The following UBR4 variants were observed in gnomAD, a reference collection of about 807,000 sequenced individuals.
UBR4 encodes E3 ubiquitin-protein ligase UBR4.
In UBR4, 124 loss-of-function variants were observed where a neutral mutation model predicts 575.6. The ratio of observed to expected loss-of-function variants is 0.22; its 90% CI spans 0.19 to 0.25. UBR4 has a LOEUF of 0.25. Ranked by LOEUF, UBR4 falls within the 10% of genes least tolerant of loss-of-function variation. The probability of loss-of-function intolerance (pLI) is 1.00; values close to 1 mark genes in which losing one functional copy is unlikely to be tolerated. For synonymous variants in UBR4, 2,455 were observed against 2,473.7 expected, an observed-to-expected ratio of 0.99 and a Z score of 0.22; for missense variants, 4,818 against 6,478.8, an observed-to-expected ratio of 0.74 and a Z score of 8.80.
intron 77 of UBR4, 50 bp downstream of exon 77, chr1:19,113,649 C>T (rs757081103): frequency 1.2e-6 from 2 of 1,606,934 alleles, no homozygotes; most frequent in South Asian, 1.1e-5. Flanking sequence ...GAAAACAACA[C>T]CAGTAACACT....
At position 19,152,310 on chromosome 1, in the gene UBR4, T is replaced by G; in HGVS notation, c.6996+3A>C. 3 of 1,613,910 alleles carry G rather than the reference T, an allele frequency of 1.9e-6. No individual in the cohort carries two copies. The highest frequency in any genetic ancestry group is 2.5e-6 in the Non-Finnish European group (3 of 1,179,766). On this transcript the variant is annotated splice_donor_region_variant and intron_variant, in intron 47 of 105. Coordinates refer to ENST00000375254, the MANE Select transcript of UBR4 (RefSeq NM_020765.3). This position sits in a 1 kb window ranked among gnomAD's most constrained non-coding sequence, Gnocchi z 4.4. ...ATTGATCCCAGCCCAGTGCCATTCT[T>G]ACCTTGGTGTTGGCCACATACATGC...
At chr1:19,158,262 C>T (rs1250956275) in intron 39 of UBR4, among the ~76,000 whole-genome samples, 1 of 152,216 alleles carries the variant, frequency 6.6e-6, no homozygotes, top group African/African-American at 2.4e-5. Context: ...CAATCTCTTA[C>T]AAATTGTGGT....
At chr1:19,186,694 A>G (rs776772127) in intron 13 of UBR4, 37 bp from the exon 14 acceptor site, 2 of 1,590,568 alleles carry the variant, frequency 1.3e-6, no homozygotes, top group Non-Finnish European at 1.7e-6. Flanking sequence ...GAGCCATCCT[A>G]TTTAATCTCA....
At chr1:19,167,593 A>G (rs1571361700) in intron 28 of UBR4, among the ~76,000 whole-genome samples, 1 of 152,182 alleles carries the variant, frequency 6.6e-6, no homozygotes, top group South Asian at 2.1e-4. Context: ...AACCTGGATC[A>G]CTTTTAGGGC....
chr1:19,122,771 C>A (rs764664706), intron 66 of UBR4, 62 bp downstream of exon 66: 27 of 1,572,830 alleles, frequency 1.7e-5, no homozygotes, highest in Non-Finnish European at 2.3e-5. Flanking sequence ...AGCCCTATTA[C>A]CTACTTGGCT....
Position 19,167,081 on chromosome 1 carries a change from A to C in UBR4, c.4050T>G (p.Val1350=). ...AACAACCAGTGATCAGCTTCTCATA[A>C]ACACGAGCCAAGAACTCATCAGACT... ...PAESDEFLAR[V]YEKLITGCYN... The change falls in exon 29 of 106, where the codon GTT becomes GTG. Residue 1350 remains valine (V), a synonymous_variant. Coordinates refer to ENST00000375254, the MANE Select transcript of UBR4 (RefSeq NM_020765.3). 1 of 1,614,188 alleles carries C rather than the reference A, an allele frequency of 6.2e-7. No individual in the cohort carries two copies. Among genetic ancestry groups the C allele is most frequent in the Non-Finnish European group, 8.5e-7 (1 of 1,180,032 alleles).
intron 66 of UBR4, among the ~76,000 whole-genome samples, chr1:19,122,501 C>G (rs982046047): frequency 2.0e-5 from 3 of 152,136 alleles, no homozygotes; most frequent in African/African-American, 7.2e-5. Context: ...CTTTAGTATT[C>G]AAGGGTAAAA....
At position 19,122,821 on chromosome 1, in the gene UBR4, C is replaced by T; in HGVS notation, c.9816+12G>A. 6.2e-7 allele frequency: 1 copy of T among 1,614,172 alleles called. No individual in the cohort carries two copies. Among genetic ancestry groups the T allele is most frequent in the Non-Finnish European group, 8.5e-7 (1 of 1,179,974 alleles). On this transcript the variant is annotated intron_variant, in intron 66 of 105. Transcript: ENST00000375254. Reference sequence around the variant, plus strand: ...CCCCCCTCCCTGCCCTACCAGGTCCCAGCCCTCGTACCAGGCTGATGAGTG... The same window carrying T: ...CCCCCCTCCCTGCCCTACCAGGTCCTAGCCCTCGTACCAGGCTGATGAGTG...
chr1:19,141,278 A>G (rs1456881975), intron 57 of UBR4, 69 bp downstream of exon 57: 1 of 1,606,120 alleles, frequency 6.2e-7, no homozygotes, highest in African/African-American at 1.3e-5. Flanking sequence ...GCTGGATATC[A>G]GTAACTGCCA....
intron 48 of UBR4, chr1:19,151,358 G>A (rs918531077): frequency 4.8e-5 from 24 of 500,370 alleles, no homozygotes; most frequent in African/African-American, 1.7e-4. Context: ...GCCTCCTCTC[G>A]GCCTAAACAC....
At position 19,153,913 on chromosome 1, in the gene UBR4, G is replaced by A; in HGVS notation, c.6485C>T (p.Pro2162Leu). 6.2e-7 allele frequency: 1 copy of A among 1,614,010 alleles called. No individual in the cohort carries two copies. Among genetic ancestry groups the A allele is most frequent in the Non-Finnish European group, 8.5e-7 (1 of 1,179,948 alleles). The change falls in exon 45 of 106, where the codon CCT becomes CTT. Residue 2162 changes from proline to leucine, a missense_variant. Coordinates refer to ENST00000375254, the MANE Select transcript of UBR4 (RefSeq NM_020765.3). This position sits in a 1 kb window ranked among gnomAD's most constrained non-coding sequence, Gnocchi z 4.1. The part of the protein sequence containing the change: ...KSSNGGSKTS[P>L]ALCQWSEVMN... ...CACCTCAGACCACTGGCAAAGAGCA[G>A]GAGAAGTCTTACTGCCACCATTGGA...
rs1025038776 is a variant in UBR4 at position 19,139,917 on chromosome 1, G to C, written c.8594-697C>G. On this transcript the variant is annotated intron_variant, in intron 58 of 105. Transcript: ENST00000375254. The surrounding 1 kb of genome is among the most constrained non-coding windows in gnomAD (Gnocchi z 4.2). ...GGAAAATGCTGGATGAGATACATGGGGGAGGAAAGCCAAGACAGCCACAGA... is the reference window on the plus strand; with the variant it reads ...GGAAAATGCTGGATGAGATACATGGCGGAGGAAAGCCAAGACAGCCACAGA... 6.6e-6 allele frequency among the ~76,000 whole-genome samples: 1 copy of C among 152,116 alleles called. No homozygotes were observed. Among genetic ancestry groups the C allele is most frequent in the Non-Finnish European group, 1.5e-5 (1 of 68,028 alleles).
intron 87 of UBR4, among the ~76,000 whole-genome samples, chr1:19,101,918 C>G (rs2078672641): frequency 6.6e-6 from 1 of 152,314 alleles, no homozygotes; most frequent in South Asian, 2.1e-4. Context: ...ATAACCTCCT[C>G]AAGGAGAGGG....
intron 69 of UBR4, 115 bp downstream of exon 69, chr1:19,120,065 A>G (rs2149458794): frequency 2.4e-6 from 3 of 1,249,740 alleles, no homozygotes; most frequent in Non-Finnish European, 2.2e-6. Flanking sequence ...AAGAGGATTC[A>G]GGCTGGCGTA....
At chr1:19,199,995 G>A (rs1159807135) in intron 2 of UBR4, among the ~76,000 whole-genome samples, 1 of 152,184 alleles carries the variant, frequency 6.6e-6, no homozygotes, top group Admixed American at 6.5e-5. Context: ...CCAGTGCCAA[G>A]CACTTCAAAG....
intron 101 of UBR4, among the ~76,000 whole-genome samples, chr1:19,085,243 C>T (rs1051425434): frequency 1.3e-5 from 2 of 152,220 alleles, no homozygotes; most frequent in African/African-American, 4.8e-5. Context: ...CATGCCTGGC[C>T]GGGCACAGTG....
rs1426810168 is a variant in UBR4, at chr1:19,197,287, C to T, written c.894-22G>A. 3 of 1,613,750 alleles carry T rather than the reference C, an allele frequency of 1.9e-6. No individual in the cohort carries two copies. In the Admixed American group the frequency reaches 5.0e-5, roughly 27 times the overall value. On this transcript the variant is annotated intron_variant, in intron 7 of 105. Transcript: ENST00000375254. Reference sequence around the variant, plus strand: ...AAAGCTGGAACATGACAGAGATCAACAAGTGTCTCTTAGAATCATTCACTT... The same window carrying T: ...AAAGCTGGAACATGACAGAGATCAATAAGTGTCTCTTAGAATCATTCACTT...
rs2083618247 is a variant in UBR4, at chr1:19,139,702, A to T, written c.8594-482T>A. 6.6e-6 allele frequency among the ~76,000 whole-genome samples: 1 copy of T among 152,222 alleles called. No homozygotes were observed. Among genetic ancestry groups the T allele is most frequent in the South Asian group, 2.1e-4 (1 of 4,824 alleles). Reference sequence around the variant, plus strand: ...TTTTGAAATCAGTCAAGTTTTGCTTATGTTAGGAAATCACTTAGCATGAGC... The same window carrying T: ...TTTTGAAATCAGTCAAGTTTTGCTTTTGTTAGGAAATCACTTAGCATGAGC... On this transcript the variant is annotated intron_variant, in intron 58 of 105. Transcript: ENST00000375254. This position sits in a 1 kb window ranked among gnomAD's most constrained non-coding sequence, Gnocchi z 4.2.
chr1:19,167,997 A>T, intron 28 of UBR4, 30 bp downstream of exon 28: 1 of 1,580,224 alleles, frequency 6.3e-7, no homozygotes. Flanking sequence ...ACAGACATAG[A>T]GTCCTTGGGG....
Sources: allele counts gnomAD v4.1 joint callset (sites outside exome capture counted in the v4.1 genomes callset), GRCh38; gene constraint gnomAD v4.1.1; non-coding constraint Gnocchi (gnomAD v3.1); transcripts MANE v1.5; gene names NCBI Gene and HGNC (gene_info 2026-07-23, HGNC 2026-07-21).